CDH13: variants seen among roughly 807,000 people sequenced by gnomAD.
CDH13 encodes the protein cadherin 13.
CDH13 carries 24 observed loss-of-function variants against 63.8 expected under a neutral mutation model. The ratio of observed to expected loss-of-function variants is 0.38; its 90% CI spans 0.27 to 0.53. The LOEUF (loss-of-function observed/expected upper bound fraction) is 0.53. Ranked by LOEUF, CDH13 falls within the 20% of genes least tolerant of loss-of-function variation. The pLI is 0.85. For synonymous variants in CDH13, 503 were observed against 355.3 expected (o/e 1.42, Z -4.67); for missense variants, 1,049 against 903.1 (o/e 1.16, Z -2.07).
At chr16:82,949,344 C>G (rs1334813073) in intron 2 of CDH13, among the ~76,000 whole-genome samples, 1 of 152,188 alleles carries the variant, frequency 6.6e-6, no homozygotes, top group African/African-American at 2.4e-5. Flanking sequence ...TCTGTCTTCA[C>G]ATGGCATTTT....
chr16:82,726,605 A>G (rs60857321), intron 1 of CDH13, among the ~76,000 whole-genome samples: 7,628 of 152,174 alleles, frequency 0.05, 227 homozygotes, highest in African/African-American at 0.076. Context: ...TTGTTTCATT[A>G]TTTACTTTAT....
At chr16:83,685,425 TG>T (rs1904297282) in intron 10 of CDH13, among the ~76,000 whole-genome samples, 2 of 152,088 alleles carry the variant, frequency 1.3e-5, no homozygotes, top group Non-Finnish European at 2.9e-5. Context: ...AAATAATAGA[TG>T]ATGTTGCTAA....
At chr16:83,214,350 C>A (rs1242454523) in intron 4 of CDH13, among the ~76,000 whole-genome samples, 1 of 151,770 alleles carries the variant, frequency 6.6e-6, no homozygotes, top group Non-Finnish European at 1.5e-5. Flanking sequence ...GAGGCTGAGG[C>A]GGGTGGATCA....
intron 2 of CDH13, among the ~76,000 whole-genome samples, chr16:82,951,998 C>G (rs1905362690): frequency 6.6e-6 from 1 of 152,226 alleles, no homozygotes; most frequent in Admixed American, 6.5e-5. Context: ...ACACATGTCA[C>G]TTGGCTATAC....
chr16:82,705,279 G>A (rs1355995505), intron 1 of CDH13: 1 of 402,448 alleles, frequency 2.5e-6, no homozygotes, highest in African/African-American at 2.1e-5. Context: ...GGACAGGTGA[G>A]ATGTCCAATA....
chr16:82,850,303 G>A (rs1247361498), intron 1 of CDH13, among the ~76,000 whole-genome samples: 1 of 152,196 alleles, frequency 6.6e-6, no homozygotes, highest in Admixed American at 6.5e-5. Flanking sequence ...ATTTTGAGAG[G>A]TTCAAGACTT....
intron 2 of CDH13, among the ~76,000 whole-genome samples, chr16:82,995,733 G>C (rs72792143): frequency 0.12 from 18,671 of 152,168 alleles, 1,285 homozygotes; most frequent in African/African-American, 0.18. Flanking sequence ...TCTGGAAGCA[G>C]GAAGCCACTG....
chr16:83,075,607 G>A (rs1471565338), intron 3 of CDH13, among the ~76,000 whole-genome samples: 1 of 152,212 alleles, frequency 6.6e-6, no homozygotes, highest in Admixed American at 6.5e-5. Flanking sequence ...GAACTTTGAT[G>A]TTCTGTGTGA....
intron 2 of CDH13, among the ~76,000 whole-genome samples, chr16:83,017,795 C>A (rs1434444892): frequency 6.6e-6 from 1 of 152,102 alleles, no homozygotes; most frequent in Non-Finnish European, 1.5e-5. Flanking sequence ...AACCAACACG[C>A]TTTGATGCCA....
intron 8 of CDH13, among the ~76,000 whole-genome samples, chr16:83,646,649 G>A (rs573598725): frequency 1.1e-4 from 15 of 133,608 alleles, no homozygotes; most frequent in African/African-American, 3.1e-4. Context: ...CTGAGATCAC[G>A]CGATTGCACT....
At chr16:83,339,196 A>G (rs1216396074) in intron 5 of CDH13, among the ~76,000 whole-genome samples, 1 of 152,146 alleles carries the variant, frequency 6.6e-6, no homozygotes, top group African/African-American at 2.4e-5. Flanking sequence ...CGGATAGAAG[A>G]GAAGGTTTCA....
chr16:82,755,237 C>T (rs1053864063), intron 1 of CDH13, among the ~76,000 whole-genome samples: 3 of 152,192 alleles, frequency 2.0e-5, no homozygotes, highest in Non-Finnish European at 2.9e-5. Context: ...TGAGCCTCAC[C>T]TTAAGGCCTA....
intron 7 of CDH13, among the ~76,000 whole-genome samples, chr16:83,599,572 G>A (rs1907587566): frequency 1.3e-5 from 2 of 152,124 alleles, no homozygotes; most frequent in South Asian, 4.1e-4. Flanking sequence ...GATGTTAATT[G>A]CACTGTTATT....
At chr16:83,038,570 T>G (rs1265642182) in intron 3 of CDH13, among the ~76,000 whole-genome samples, 1 of 152,188 alleles carries the variant, frequency 6.6e-6, no homozygotes, top group Admixed American at 6.5e-5. Context: ...CTGGACAGAA[T>G]CATGACTTTT....
intron 10 of CDH13, among the ~76,000 whole-genome samples, chr16:83,719,588 C>T (rs765424995): frequency 2.0e-5 from 3 of 152,120 alleles, no homozygotes; most frequent in Non-Finnish European, 2.9e-5. Context: ...GCGTAGCTAC[C>T]GAGCGCTTCC....
At chr16:82,824,472 T>C (rs1423663110) in intron 1 of CDH13, 1 of 152,212 alleles carries the variant, frequency 6.6e-6, no homozygotes, top group African/African-American at 2.4e-5. Context: ...TTAATATATC[T>C]AGGCAGTAAC....
At chr16:83,383,694 G>T (rs971364037) in intron 6 of CDH13, among the ~76,000 whole-genome samples, 4 of 152,102 alleles carry the variant, frequency 2.6e-5, no homozygotes, top group Non-Finnish European at 4.4e-5. Flanking sequence ...ATTTGGCCAG[G>T]GGGAGCCTGG....
At chr16:83,774,296 G>A (rs1191639347) in intron 11 of CDH13, among the ~76,000 whole-genome samples, 1 of 152,120 alleles carries the variant, frequency 6.6e-6, no homozygotes, top group African/African-American at 2.4e-5. Context: ...GGCTGTCATA[G>A]TCATTTCCAG....
intron 7 of CDH13, among the ~76,000 whole-genome samples, chr16:83,531,884 T>C (rs2075091338): frequency 6.6e-6 from 1 of 152,180 alleles, no homozygotes; most frequent in Admixed American, 6.5e-5. Context: ...TGGTAATTTG[T>C]TAGGGCAGTC....
Sources: allele counts gnomAD v4.1 joint callset (sites outside exome capture counted in the v4.1 genomes callset), GRCh38; gene constraint gnomAD v4.1.1; transcripts MANE v1.5; gene names NCBI Gene and HGNC (gene_info 2026-07-23, HGNC 2026-07-21).